Variants in GRIK1 observed in about 807,000 individuals in gnomAD.
The protein encoded by GRIK1 is glutamate receptor ionotropic, kainate 1.
GRIK1 carries 69 observed loss-of-function variants against 105.7 expected under a neutral mutation model. That is an observed-to-expected ratio of 0.65 (90% CI 0.54 to 0.80). The LOEUF is 0.80. Among genes scored for constraint, GRIK1 ranks in the 30% least tolerant of loss-of-function variants. The probability of loss-of-function intolerance (pLI) is 0.00; values close to 1 mark genes in which losing one functional copy is unlikely to be tolerated. For missense variants in GRIK1, 1,109 were observed against 1,167.3 expected (o/e 0.95, Z 0.73); for synonymous variants, 438 against 431.3 (o/e 1.02, Z -0.19).
At chr21:29,912,922 G>T (rs1196469738) in intron 1 of GRIK1, among the ~76,000 whole-genome samples, 1 of 152,040 alleles carries the variant, frequency 6.6e-6, no homozygotes, top group Non-Finnish European at 1.5e-5. Context: ...TTAGTATCAA[G>T]TTCACTTAGC....
chr21:29,577,489 A>C (rs1377186775), intron 13 of GRIK1, among the ~76,000 whole-genome samples: 1 of 152,168 alleles, frequency 6.6e-6, no homozygotes, highest in Non-Finnish European at 1.5e-5. Context: ...CAACCCCAAG[A>C]CTTTTTGCCT....
At chr21:29,908,923 G>T (rs2070728200) in intron 1 of GRIK1, among the ~76,000 whole-genome samples, 1 of 152,086 alleles carries the variant, frequency 6.6e-6, no homozygotes, top group Non-Finnish European at 1.5e-5. Context: ...TATTTCCTCT[G>T]CAAAATGGCT....
intron 1 of GRIK1, among the ~76,000 whole-genome samples, chr21:29,737,122 A>G (rs1039998990): frequency 1.3e-5 from 2 of 152,204 alleles, no homozygotes; most frequent in Admixed American, 1.3e-4. Context: ...TATGCTTAAC[A>G]ATTTCCAAAG....
intron 1 of GRIK1, among the ~76,000 whole-genome samples, chr21:29,810,422 C>T (rs551345597): frequency 0.088 from 12 of 136 alleles, no homozygotes; most frequent in Admixed American, 0.42. Context: ...AAAATGGTGC[C>T]GATAGGTTGC....
chr21:29,587,048 C>T (rs763939166), intron 12 of GRIK1, among the ~76,000 whole-genome samples: 4 of 152,080 alleles, frequency 2.6e-5, no homozygotes, highest in Admixed American at 2.6e-4. Flanking sequence ...CCTATGGAAA[C>T]ATTTTACACA....
At position 29,637,095 on chromosome 21, in the gene GRIK1, A is replaced by G. The variant is rs2146505943; in HGVS notation, c.1098+5731T>C. 2.0e-5 allele frequency among the ~76,000 whole-genome samples: 3 copies of G among 152,296 alleles called. No individual in the cohort carries two copies. The South Asian group carries it at 6.2e-4, about 32-fold the overall frequency. ...AGCCAGGGTGTCTTTAAGGCCACTGAGATTATAGACAAATGTGTTTGCATT... is the reference window on the plus strand; with the variant it reads ...AGCCAGGGTGTCTTTAAGGCCACTGGGATTATAGACAAATGTGTTTGCATT... On this transcript the variant is annotated intron_variant, in intron 7 of 17. Coordinates refer to ENST00000327783, the MANE Select transcript of GRIK1 (RefSeq NM_001330994.2).
intron 1 of GRIK1, among the ~76,000 whole-genome samples, chr21:29,733,957 T>C (rs551662416): frequency 6.6e-6 from 1 of 152,118 alleles, no homozygotes; most frequent in Non-Finnish European, 1.5e-5. Context: ...ATATTTACTA[T>C]GTATTTTTAA....
chr21:29,867,436 G>A (rs190280161), intron 1 of GRIK1, among the ~76,000 whole-genome samples: 1 of 152,240 alleles, frequency 6.6e-6, no homozygotes, highest in East Asian at 1.9e-4. Context: ...CTCCTAGTGT[G>A]TACCTAAGTT....
intron 1 of GRIK1, among the ~76,000 whole-genome samples, chr21:29,901,691 T>C (rs1380476221): frequency 1.3e-5 from 2 of 152,108 alleles, no homozygotes; most frequent in Non-Finnish European, 2.9e-5. Flanking sequence ...ACAAGACGGA[T>C]TCACAGCCGA....
intron 16 of GRIK1, among the ~76,000 whole-genome samples, chr21:29,552,534 T>A (rs150422591): frequency 4.7e-4 from 71 of 152,140 alleles, no homozygotes; most frequent in African/African-American, 1.6e-3. Context: ...ATACTTTAAA[T>A]GAATTAATAA....
At chr21:29,785,661 C>T (rs549292951) in intron 1 of GRIK1, among the ~76,000 whole-genome samples, 11 of 151,456 alleles carry the variant, frequency 7.3e-5, no homozygotes, top group East Asian at 1.9e-4. Context: ...GCAGAAAGTG[C>T]GTGTTCCTTA....
At chr21:29,901,289 A>G (rs1248057373) in intron 1 of GRIK1, among the ~76,000 whole-genome samples, 1 of 152,160 alleles carries the variant, frequency 6.6e-6, no homozygotes, top group Non-Finnish European at 1.5e-5. Context: ...ACAAGAAATA[A>G]CTAAGATCAG....
intron 1 of GRIK1, among the ~76,000 whole-genome samples, chr21:29,876,924 CT>C (rs2069212387): frequency 1.3e-5 from 2 of 152,088 alleles, no homozygotes; most frequent in African/African-American, 4.8e-5. Flanking sequence ...ACTTAATAAC[CT>C]GCAAATTAGC....
chr21:29,933,351 G>C (rs9982938), intron 1 of GRIK1, among the ~76,000 whole-genome samples: 1 of 151,282 alleles, frequency 6.6e-6, no homozygotes, highest in Non-Finnish European at 1.5e-5. Context: ...GGCCCATGTT[G>C]CCTCAAGTGT....
intron 1 of GRIK1, among the ~76,000 whole-genome samples, chr21:29,734,809 C>T (rs936180405): frequency 6.6e-6 from 1 of 152,166 alleles, no homozygotes; most frequent in Non-Finnish European, 1.5e-5. Context: ...CATTCTGTTT[C>T]CTACTAATTC....
intron 3 of GRIK1, among the ~76,000 whole-genome samples, chr21:29,687,098 C>T (rs2063499198): frequency 6.6e-6 from 1 of 152,218 alleles, no homozygotes; most frequent in African/African-American, 2.4e-5. Context: ...TTCTAGAGGA[C>T]AGAATTCTGC....
chr21:29,882,813 C>T (rs572111050), intron 1 of GRIK1, among the ~76,000 whole-genome samples: 1 of 152,072 alleles, frequency 6.6e-6, no homozygotes, highest in Non-Finnish European at 1.5e-5. Flanking sequence ...TCCTTTAAGT[C>T]TTAACTGAAC....
intron 6 of GRIK1, among the ~76,000 whole-genome samples, chr21:29,647,187 C>T (rs2062638390): frequency 6.6e-6 from 1 of 152,156 alleles, no homozygotes; most frequent in Non-Finnish European, 1.5e-5. Flanking sequence ...CATCAGGTAT[C>T]ATCAAGTAAA....
At chr21:29,796,529 C>T (rs1189289207) in intron 1 of GRIK1, among the ~76,000 whole-genome samples, 1 of 151,924 alleles carries the variant, frequency 6.6e-6, no homozygotes, top group Non-Finnish European at 1.5e-5. Context: ...ATTATGTAAG[C>T]TATTTTGTAA....
Sources: gnomAD v4.1 joint callset for allele counts (sites outside exome capture counted in the v4.1 genomes callset) on GRCh38, gnomAD v4.1.1 for gene constraint, MANE v1.5 for transcripts, NCBI Gene and HGNC (gene_info 2026-07-23, HGNC 2026-07-21) for gene names.